Variants in LNX1 observed in about 807,000 individuals in gnomAD.
LNX1 encodes the protein E3 ubiquitin-protein ligase LNX.
In LNX1, 54 loss-of-function variants were observed where a neutral mutation model predicts 68.4. The ratio of observed to expected loss-of-function variants is 0.79; its 90% confidence interval spans 0.63 to 0.99. The LOEUF (loss-of-function observed/expected upper bound fraction) is 0.99. Ranked by LOEUF, LNX1 falls within the 50% of genes least tolerant of loss-of-function variation. The probability of loss-of-function intolerance (pLI) is 0.00; values close to 1 mark genes in which losing one functional copy is unlikely to be tolerated. For synonymous variants in LNX1, 336 were observed against 350.0 expected (o/e 0.96, Z 0.45); for missense variants, 906 against 926.4 (o/e 0.98, Z 0.29).
chr4:53,568,610 G>GGGGCAC (rs1730895489), intron 2 of LNX1, among the ~76,000 whole-genome samples: 1 of 151,652 alleles, frequency 6.6e-6, no homozygotes, highest in South Asian at 2.1e-4. Flanking sequence ...ACAAGACAGG[G>GGGGCAC]ATGCCCTCTC....
In LNX1 at chr4:53,481,733, C is replaced by T. The variant is rs750051478; in HGVS notation, c.1472G>A (p.Ser491Asn). Residue 491 changes from serine to asparagine, a missense_variant, in exon 7 of 11, where the codon AGC becomes AAC. By Grantham distance (46) the Ser-to-Asn change is conservative. Transcript: ENST00000263925. ...GSWSPGPGER[S>N]NTPKPLHPTI... ...TAGAGGCCTCACCTTGGGAGTGTTGCTCCTCTCCCCTGGCCCTGGGGACCA... is the reference window on the plus strand; with the variant it reads ...TAGAGGCCTCACCTTGGGAGTGTTGTTCCTCTCCCCTGGCCCTGGGGACCA... The T allele has an allele frequency of 6.8e-6, 11 of 1,613,740 alleles. No individual in the cohort carries two copies. The highest frequency in any genetic ancestry group is 2.5e-6 in the Non-Finnish European group (3 of 1,179,802).
At chr4:53,649,492 C>T (rs1037629513) in intron 1 of LNX1, among the ~76,000 whole-genome samples, 1 of 152,184 alleles carries the variant, frequency 6.6e-6, no homozygotes, top group Admixed American at 6.5e-5. Flanking sequence ...GAGCTCTTGT[C>T]CTGAAGTCTA....
intron 2 of LNX1, among the ~76,000 whole-genome samples, chr4:53,612,931 A>G (rs1733550194): frequency 1.3e-5 from 2 of 151,866 alleles, no homozygotes. Context: ...GACAGGAAGA[A>G]TTTTAAAGGA....
chr4:53,601,768 T>C (rs1733027353), intron 2 of LNX1, among the ~76,000 whole-genome samples: 1 of 152,086 alleles, frequency 6.6e-6, no homozygotes, highest in Non-Finnish European at 1.5e-5. Flanking sequence ...TACTTTCAAC[T>C]CATCTCAAGA....
chr4:53,523,648 GTAGGAGAC>G (rs1727407731), intron 2 of LNX1, among the ~76,000 whole-genome samples: 2 of 152,176 alleles, frequency 1.3e-5, no homozygotes, highest in South Asian at 4.1e-4. Context: ...TAGCCTATTA[GTAGGAGAC>G]TAGGAGACTA....
intron 2 of LNX1, among the ~76,000 whole-genome samples, chr4:53,543,719 A>G (rs920604434): frequency 4.6e-5 from 7 of 152,226 alleles, no homozygotes; most frequent in African/African-American, 1.7e-4. Context: ...AATGTTAAGA[A>G]TTTGAAGGAG....
At chr4:53,545,802 ATTTTTTTTTT>A (rs71197029) in intron 2 of LNX1, among the ~76,000 whole-genome samples, 1 of 111,628 alleles carries the variant, frequency 9.0e-6, no homozygotes, top group Non-Finnish European at 1.8e-5. Context: ...CAGAGGCCAC[ATTTTTTTTTT>A]TTTTTTTTTT....
At chr4:53,550,902 C>A (rs1729455419) in intron 2 of LNX1, among the ~76,000 whole-genome samples, 1 of 152,138 alleles carries the variant, frequency 6.6e-6, no homozygotes, top group Admixed American at 6.5e-5. Flanking sequence ...GAAATAGATA[C>A]AGAAAATGGA....
At chr4:53,582,384 A>G (rs1425731505) in intron 1 of LNX1, among the ~76,000 whole-genome samples, 2 of 151,192 alleles carry the variant, frequency 1.3e-5, no homozygotes, top group Admixed American at 6.6e-5. Flanking sequence ...ACCTAGGGCC[A>G]GGTCTCACAA....
At chr4:53,471,813 C>A (rs1425608918) in intron 9 of LNX1, among the ~76,000 whole-genome samples, 1 of 152,052 alleles carries the variant, frequency 6.6e-6, no homozygotes, top group Admixed American at 6.6e-5. Context: ...ATTAGAATGG[C>A]GATCATTAAA....
chr4:53,485,963 T>C (rs1229060599), intron 6 of LNX1, among the ~76,000 whole-genome samples: 1 of 152,186 alleles, frequency 6.6e-6, no homozygotes, highest in Non-Finnish European at 1.5e-5. Flanking sequence ...GCTTCTCTCT[T>C]GCATCTCTTG....
In LNX1 at chr4:53,591,415, C is replaced by G; in HGVS notation, c.-114G>C. 6 of 985,752 alleles carry G rather than the reference C, an allele frequency of 6.1e-6. No individual in the cohort carries two copies. The highest frequency in any genetic ancestry group is 7.2e-6 in the Non-Finnish European group (6 of 830,240). The allele number at this position is 985,752 out of a possible 1,614,324, so 61.1% of individuals were successfully genotyped here. A position where few individuals can be genotyped will look rare whatever the true frequency, so the allele number is the denominator to read the frequency against. On this transcript the variant is annotated 5_prime_UTR_variant, in exon 1 of 11. Transcript: ENST00000263925. ...CTTCAAGCGACTGTCTGGGGCTCTCCAAGCAGCAGCAGGCAGGCAGCTCTC... is the reference window on the plus strand; with the variant it reads ...CTTCAAGCGACTGTCTGGGGCTCTCGAAGCAGCAGCAGGCAGGCAGCTCTC...
chr4:53,546,830 G>A lies in LNX1; in HGVS notation c.380+26793C>T, dbSNP rs151131226. ...AGGAATGAAGGCTGGGGAGGGAGTC[G>A]GGGGCAGAGTCAAGAGACTGGCAGA... On this transcript the variant is annotated intron_variant, in intron 2 of 10. Transcript: ENST00000263925. Among the ~76,000 whole-genome samples the A allele has an allele frequency of 1.9e-4, 29 of 152,268 alleles. No individual in the cohort carries two copies. The East Asian group carries it at 4.3e-3, about 22-fold the overall frequency.
chr4:53,489,612 A>T (rs1263203619), intron 6 of LNX1, among the ~76,000 whole-genome samples: 2 of 152,118 alleles, frequency 1.3e-5, no homozygotes, highest in African/African-American at 4.8e-5. Flanking sequence ...AGGGTAGTGA[A>T]GTTTCAAGAT....
chr4:53,476,091 G>GT (rs1232142174), intron 9 of LNX1, among the ~76,000 whole-genome samples: 1 of 152,152 alleles, frequency 6.6e-6, no homozygotes, highest in African/African-American at 2.4e-5. Flanking sequence ...GAAGTCAGGA[G>GT]TTTGAGACCA....
In LNX1 at chr4:53,496,176, G is replaced by C; in HGVS notation, c.1197C>G (p.Arg399=). 2 of 1,614,100 alleles carry C rather than the reference G, an allele frequency of 1.2e-6. No individual in the cohort carries two copies. Among genetic ancestry groups the C allele is most frequent in the Non-Finnish European group, 1.7e-6 (2 of 1,180,016 alleles). ...PEEQLGIKLV[R]KVDEPGVFIF... ...TGAAAACCCCAGGCTCATCCACCTT[G>C]CGCACCAGTTTTATTCCAAGCTGCT... Residue 399 remains arginine, a synonymous_variant, in exon 6 of 11, where the codon CGC becomes CGG. Coordinates refer to ENST00000263925, the MANE Select transcript of LNX1 (RefSeq NM_001126328.3).
At chr4:53,586,593 G>A (rs1442016794) in intron 1 of LNX1, among the ~76,000 whole-genome samples, 1 of 152,126 alleles carries the variant, frequency 6.6e-6, no homozygotes, top group Non-Finnish European at 1.5e-5. Flanking sequence ...CCGGTTAATT[G>A]GGATAGAACT....
At chr4:53,570,904 G>C (rs1324266039) in intron 2 of LNX1, among the ~76,000 whole-genome samples, 5 of 151,676 alleles carry the variant, frequency 3.3e-5, no homozygotes, top group Non-Finnish European at 5.9e-5. Context: ...GTGGGCACCT[G>C]TAGTCCCAAC....
At chr4:53,496,647 T>G in intron 5 of LNX1, 1 of 411,072 alleles carries the variant, frequency 2.4e-6, no homozygotes, top group Non-Finnish European at 4.3e-6. Context: ...CAAGCCCACA[T>G]ATTTATTCCC....
Sources: gnomAD v4.1 joint callset for allele counts (sites outside exome capture counted in the v4.1 genomes callset) on GRCh38, gnomAD v4.1.1 for gene constraint, MANE v1.5 for transcripts, NCBI Gene and HGNC (gene_info 2026-07-23, HGNC 2026-07-21) for gene names.